Variants in WAC observed in about 807,000 individuals in gnomAD.
WAC encodes the protein WW domain-containing adapter protein with coiled-coil.
WAC carries 11 observed loss-of-function variants against 79.6 expected under a neutral mutation model. That is an observed-to-expected ratio of 0.14 (90% CI 0.09 to 0.23). The LOEUF is 0.23. Ranked by LOEUF, WAC falls within the 10% of genes least tolerant of loss-of-function variation. The probability of loss-of-function intolerance (pLI) is 1.00; values close to 1 mark genes in which losing one functional copy is unlikely to be tolerated. For missense variants in WAC, 728 were observed against 773.5 expected (o/e 0.94, Z 0.70); for synonymous variants, 304 against 276.9 (o/e 1.10, Z -0.97).
At chr10:28,562,471 C>G (rs983287980) in intron 3 of WAC, among the ~76,000 whole-genome samples, 40 of 152,108 alleles carry the variant, frequency 2.6e-4, no homozygotes, top group African/African-American at 9.4e-4. Context: ...ATTTTTTGGT[C>G]TGATATAGTG....
At chr10:28,545,451 C>A (rs1837301031) in intron 3 of WAC, among the ~76,000 whole-genome samples, 1 of 152,022 alleles carries the variant, frequency 6.6e-6, no homozygotes, top group Admixed American at 6.6e-5. Flanking sequence ...TTACATTCCA[C>A]CCTGGGCAAC....
chr10:28,570,596 G>A (rs570324238), intron 3 of WAC, among the ~76,000 whole-genome samples: 1 of 152,312 alleles, frequency 6.6e-6, no homozygotes, highest in South Asian at 2.1e-4. Context: ...TTATTTTGGA[G>A]TGTACTGTCA....
intron 3 of WAC, among the ~76,000 whole-genome samples, chr10:28,565,394 A>G (rs1382081926): frequency 6.6e-6 from 1 of 152,110 alleles, no homozygotes; most frequent in African/African-American, 2.4e-5. Flanking sequence ...TTTTAAAGAG[A>G]TAGGGTCTTG....
chr10:28,578,482 C>T (rs923995013), intron 3 of WAC, among the ~76,000 whole-genome samples: 3 of 152,080 alleles, frequency 2.0e-5, no homozygotes, highest in Non-Finnish European at 2.9e-5. Context: ...ATATTTTGCT[C>T]CTGAGTAGAC....
intron 3 of WAC, among the ~76,000 whole-genome samples, chr10:28,548,204 G>A (rs971213837): frequency 1.3e-5 from 2 of 152,010 alleles, no homozygotes; most frequent in African/African-American, 4.8e-5. Flanking sequence ...ATTTACAGGA[G>A]TGAGCCACCA....
chr10:28,551,280 G>A (rs1380789424), intron 3 of WAC, among the ~76,000 whole-genome samples: 3 of 152,030 alleles, frequency 2.0e-5, no homozygotes, highest in African/African-American at 7.2e-5. Context: ...ATTATGTTGT[G>A]ATTTTATTCC....
At chr10:28,608,928 A>T (rs1429227029) in intron 8 of WAC, among the ~76,000 whole-genome samples, 1 of 152,088 alleles carries the variant, frequency 6.6e-6, no homozygotes, top group African/African-American at 2.4e-5. Flanking sequence ...AAATGTTGCC[A>T]TTTTTTTCCT....
intron 3 of WAC, among the ~76,000 whole-genome samples, chr10:28,546,171 C>T (rs1422528539): frequency 1.3e-5 from 2 of 152,162 alleles, no homozygotes; most frequent in African/African-American, 2.4e-5. Flanking sequence ...CTACTATTGG[C>T]GTCTTCCTAA....
In WAC at chr10:28,621,299, A is replaced by G. The variant is rs2132894530; in HGVS notation, c.*1693A>G. ...CAAGGGCTTATTTTTTATGTTAGAC[A>G]TCAATGTCAATGTTACTACATTCTC... On this transcript the variant is annotated 3_prime_UTR_variant, in exon 14 of 14. Transcript: ENST00000354911. 1 of 147,804 alleles carries G rather than the reference A, an allele frequency of 6.8e-6. No individual in the cohort carries two copies. Among genetic ancestry groups the G allele is most frequent in the South Asian group, 2.1e-4 (1 of 4,748 alleles). The allele number at this position is 147,804 out of a possible 1,614,324, so 9.2% of individuals were successfully genotyped here.
At chr10:28,540,552 C>CA (rs1836954044) in intron 3 of WAC, among the ~76,000 whole-genome samples, 1 of 152,184 alleles carries the variant, frequency 6.6e-6, no homozygotes. Context: ...GGAAGCATGA[C>CA]ACAGATTTCA....
At chr10:28,593,761 T>C (rs1180437901) in intron 6 of WAC, among the ~76,000 whole-genome samples, 16 of 152,028 alleles carry the variant, frequency 1.1e-4, no homozygotes, top group Non-Finnish European at 2.1e-4. Context: ...TTTTATCAAA[T>C]GTTAATATTC....
chr10:28,574,149 G>GT (rs549944257), intron 3 of WAC, among the ~76,000 whole-genome samples: 2 of 151,732 alleles, frequency 1.3e-5, no homozygotes, highest in South Asian at 2.1e-4. Flanking sequence ...TGCATTATGT[G>GT]TTTTTTTGTT....
At chr10:28,548,540 A>T (rs978392835) in intron 3 of WAC, among the ~76,000 whole-genome samples, 1 of 151,952 alleles carries the variant, frequency 6.6e-6, no homozygotes, top group Non-Finnish European at 1.5e-5. Flanking sequence ...TCCAAGTTTT[A>T]TTTTGGGTGC....
chr10:28,619,425 C>T (rs902473784), intron 13 of WAC, 112 bp from the exon 14 acceptor site: 7 of 764,000 alleles, frequency 9.2e-6, no homozygotes, highest in Non-Finnish European at 1.4e-5. Context: ...AATTTCTTTG[C>T]CTTAATTAGA....
chr10:28,549,672 A>G (rs951887207), intron 3 of WAC, among the ~76,000 whole-genome samples: 2 of 152,166 alleles, frequency 1.3e-5, no homozygotes, highest in African/African-American at 2.4e-5. Flanking sequence ...CCTGAATTTT[A>G]TAGGTCTTAA....
chr10:28,600,348 CAATT>C (rs959164084), intron 7 of WAC, among the ~76,000 whole-genome samples: 1 of 152,038 alleles, frequency 6.6e-6, no homozygotes, highest in African/African-American at 2.4e-5. Flanking sequence ...GACTAAATGA[CAATT>C]GAATGAACTC....
intron 3 of WAC, among the ~76,000 whole-genome samples, chr10:28,550,087 T>G (rs989287849): frequency 6.6e-6 from 1 of 151,658 alleles, no homozygotes; most frequent in Non-Finnish European, 1.5e-5. Context: ...GAGAATCGCT[T>G]GAACTTGGGA....
intron 7 of WAC, among the ~76,000 whole-genome samples, chr10:28,606,867 G>T (rs1840981226): frequency 6.6e-6 from 1 of 152,150 alleles, no homozygotes; most frequent in Non-Finnish European, 1.5e-5. Context: ...TTACTTTCCA[G>T]TGTGGTTATA....
chr10:28,557,438 A>G (rs1430988565), intron 3 of WAC, among the ~76,000 whole-genome samples: 2 of 152,168 alleles, frequency 1.3e-5, no homozygotes, highest in Non-Finnish European at 2.9e-5. Context: ...GATCACACCT[A>G]TAATCCTAGC....
Sources: gnomAD v4.1 joint callset for allele counts (sites outside exome capture counted in the v4.1 genomes callset) on GRCh38, gnomAD v4.1.1 for gene constraint, MANE v1.5 for transcripts, NCBI Gene and HGNC (gene_info 2026-07-23, HGNC 2026-07-21) for gene names.